The following TXNDC5 variants were observed in gnomAD, a reference collection of about 807,000 sequenced individuals.
The protein encoded by TXNDC5 is thioredoxin domain-containing protein 5.
A neutral mutation model predicts 52.6 loss-of-function variants in TXNDC5; 44 were observed. The observed-to-expected ratio is 0.84, with a 90% confidence interval of 0.66 to 1.08. TXNDC5 has a LOEUF of 1.08. Among genes scored for constraint, TXNDC5 ranks in the 50% least tolerant of loss-of-function variants. The probability of loss-of-function intolerance (pLI) is 0.00; values close to 1 mark genes in which losing one functional copy is unlikely to be tolerated. For synonymous variants in TXNDC5, 241 were observed against 234.4 expected, an observed-to-expected ratio of 1.03 and a Z score of -0.26; for missense variants, 600 against 565.5, an observed-to-expected ratio of 1.06 and a Z score of -0.62.
In TXNDC5 at chr6:7,882,568, TGA is replaced by T. The variant is rs1029142249; in HGVS notation, c.*574_*575del. On this transcript the variant is annotated 3_prime_UTR_variant, in exon 10 of 10. Transcript: ENST00000379757. Reference sequence around the variant, plus strand: ...TTTCATCACGGCTAACCTCTCACACTGAGAGAAGTATTCACAGCAACAGAAGC... The same window carrying T: ...TTTCATCACGGCTAACCTCTCACACTGAGAAGTATTCACAGCAACAGAAGC... 6.5e-6 allele frequency: 1 copy of T among 152,990 alleles called. No individual in the cohort carries two copies. Among genetic ancestry groups the T allele is most frequent in the Non-Finnish European group, 1.5e-5 (1 of 68,620 alleles). The allele number at this position is 152,990 out of a possible 1,614,324, so 9.5% of individuals were successfully genotyped here.
intron 4 of TXNDC5, among the ~76,000 whole-genome samples, chr6:7,894,048 T>C (rs1215198418): frequency 6.6e-6 from 1 of 152,246 alleles, no homozygotes; most frequent in East Asian, 1.9e-4. Context: ...GGATGTGGTA[T>C]AGAAAGATCT....
Position 7,910,518 on chromosome 6 carries a change from G to C in TXNDC5, c.259C>G (p.Pro87Ala), listed in dbSNP as rs924293670. Reference protein sequence around the residue: ...SAAHFVMFFAPWCGHCQRLQP... With the variant: ...SAAHFVMFFAAWCGHCQRLQP... Reference sequence around the variant, plus strand: ...CGCCGGCCTGCGCGGCGTTACCAGGGCGCGAAGAACATGACGAAGTGCGCG... The same window carrying C: ...CGCCGGCCTGCGCGGCGTTACCAGGCCGCGAAGAACATGACGAAGTGCGCG... Residue 87 changes from proline (P) to alanine (A), a missense_variant, in exon 1 of 10, where the codon CCC becomes GCC. By Grantham distance (27) the Pro-to-Ala change is conservative (BLOSUM62 -1). Coordinates refer to ENST00000379757, the MANE Select transcript of TXNDC5 (RefSeq NM_030810.5). The C allele has an allele frequency of 6.9e-7, 1 of 1,441,796 alleles. No homozygotes were observed. The highest frequency in any genetic ancestry group is 1.3e-5 in the South Asian group (1 of 77,940). The allele number at this position is 1,441,796 out of a possible 1,614,324, so 89.3% of individuals were successfully genotyped here.
intron 8 of TXNDC5, among the ~76,000 whole-genome samples, chr6:7,885,292 TTTTA>T (rs1759927109): frequency 6.6e-6 from 1 of 152,224 alleles, no homozygotes; most frequent in Non-Finnish European, 1.5e-5. Flanking sequence ...AAATGGATTG[TTTTA>T]TTTGTGAAGA....
chr6:7,910,469 C>T (rs2567232), intron 1 of TXNDC5, 45 bp downstream of exon 1: 4 of 1,365,574 alleles, frequency 2.9e-6, no homozygotes, highest in Admixed American at 6.3e-5. Context: ...CCACGCCCCG[C>T]GAAGCGCCAA....
rs909469735 is a variant in TXNDC5, at chr6:7,888,778, G to T, written c.890C>A (p.Thr297Lys). The change falls in exon 7 of 10, where the codon ACA (threonine) becomes AAA (lysine). Residue 297 changes from threonine (T) to lysine (K), a missense_variant. By Grantham distance (78) the Thr-to-Lys change is moderately conservative. Coordinates refer to ENST00000379757, the MANE Select transcript of TXNDC5 (RefSeq NM_030810.5). ...REYVESQLQR[T>K]ETGATETVTP... ...GACGGTCTCCGTCGCTCCAGTCTCTGTGCGCTGCAGCTGCGACTCCACGTA... is the reference window on the plus strand; with the variant it reads ...GACGGTCTCCGTCGCTCCAGTCTCTTTGCGCTGCAGCTGCGACTCCACGTA... The T allele has an allele frequency of 6.2e-7, 1 of 1,614,014 alleles. No individual in the cohort carries two copies. Among genetic ancestry groups the T allele is most frequent in the African/African-American group, 1.3e-5 (1 of 74,928 alleles).
At chr6:7,892,570 C>T (rs1035930768) in intron 4 of TXNDC5, among the ~76,000 whole-genome samples, 3 of 152,190 alleles carry the variant, frequency 2.0e-5, no homozygotes, top group African/African-American at 7.2e-5. Context: ...TCCCACATGT[C>T]GTGGGAGGGA....
In TXNDC5 at chr6:7,910,621, T is replaced by TGCCGCGGGGGGCCCGTCC. The variant is rs1224920670; in HGVS notation, c.138_155dup (p.Pro49_Gly54dup). On this transcript the variant is annotated inframe_insertion, in exon 1 of 10. Transcript: ENST00000379757. ...GCGGGTCCTGTCCGTCCTCGCCGTC[T>TGCCGCGGGGGGCCCGTCC]GCCGCGGGGGGCCCGTCCGCCGCCG... 12 of 1,300,666 alleles carry TGCCGCGGGGGGCCCGTCC rather than the reference T, an allele frequency of 9.2e-6. No individual in the cohort carries two copies. In the African/African-American group the frequency reaches 1.7e-4, roughly 19 times the overall value. 80.6% of individuals were successfully genotyped at this position (1,300,666 alleles called of 1,614,324 possible).
intron 2 of TXNDC5, among the ~76,000 whole-genome samples, chr6:7,901,229 T>C (rs1351063083): frequency 6.6e-6 from 1 of 152,182 alleles, no homozygotes; most frequent in Non-Finnish European, 1.5e-5. Context: ...ACATCTGCGG[T>C]ATCAAAGATG....
At chr6:7,892,937 G>C (rs1760244777) in intron 4 of TXNDC5, among the ~76,000 whole-genome samples, 2 of 152,226 alleles carry the variant, frequency 1.3e-5, no homozygotes, top group Admixed American at 1.3e-4. Flanking sequence ...CCCTGCATGG[G>C]ACACGGGAAG....
In TXNDC5 at chr6:7,884,458, A is replaced by C. The variant is rs1759887054; in HGVS notation, c.1077T>G (p.Thr359=). ...ATTCCTTTTTAGAGAGTTCCTCCCA[A>C]GTAGGAGCCAGAGTCTTACAATGAC... ...WCGHCKTLAP[T]WEELSKKEFP... Residue 359 remains threonine (T), a synonymous_variant, in exon 9 of 10, where the codon ACT becomes ACG. Coordinates refer to ENST00000379757, the MANE Select transcript of TXNDC5 (RefSeq NM_030810.5). 1 of 1,613,992 alleles carries C rather than the reference A, an allele frequency of 6.2e-7. No homozygotes were observed. Among genetic ancestry groups the C allele is most frequent in the Non-Finnish European group, 8.5e-7 (1 of 1,180,004 alleles).
intron 4 of TXNDC5, chr6:7,894,848 ATG>A (rs1450051123): frequency 1.0e-6 from 1 of 985,320 alleles, no homozygotes; most frequent in African/African-American, 1.7e-5. Context: ...TTAGCCAAGG[ATG>A]CACTGTCCAG....
intron 1 of TXNDC5, among the ~76,000 whole-genome samples, chr6:7,905,415 A>T (rs888619146): frequency 6.6e-6 from 1 of 151,904 alleles, no homozygotes; most frequent in South Asian, 2.1e-4. Flanking sequence ...TGAGAAGGGG[A>T]AAAAAAAAGT....
chr6:7,891,376 T>G (rs1760184358), intron 5 of TXNDC5, among the ~76,000 whole-genome samples: 1 of 152,134 alleles, frequency 6.6e-6, no homozygotes, highest in Non-Finnish European at 1.5e-5. Flanking sequence ...CAATTCAGAT[T>G]TGGCCATCTC....
At chr6:7,907,943 T>C (rs1479418304) in intron 1 of TXNDC5, among the ~76,000 whole-genome samples, 1 of 152,158 alleles carries the variant, frequency 6.6e-6, no homozygotes, top group Non-Finnish European at 1.5e-5. Context: ...AACACCATCA[T>C]AGAAACCCAC....
Position 7,889,497 on chromosome 6 carries a change from T to C in TXNDC5, c.817A>G (p.Lys273Glu). 1 of 1,613,322 alleles carries C rather than the reference T, an allele frequency of 6.2e-7. No individual in the cohort carries two copies. Among genetic ancestry groups the C allele is most frequent in the African/African-American group, 1.3e-5 (1 of 75,026 alleles). ...PTLLWFRDGKKVDQYKGKRDL... is the reference protein window; with the variant it reads ...PTLLWFRDGKEVDQYKGKRDL... The stretch of plus-strand genomic sequence containing the variant: ...AGTACTAAGAAGTGCAGACGTACCT[T>C]TTTCCCATCTCGGAACCAGAGAAGA... The change falls in exon 6 of 10, where the codon AAG becomes GAG. Residue 273 changes from lysine to glutamate, a missense_variant and splice_region_variant. By Grantham distance (56) the Lys-to-Glu change is moderately conservative. Transcript: ENST00000379757.
At chr6:7,883,340 AG>A in intron 9 of TXNDC5, 74 bp from the exon 10 acceptor site, 1 of 1,604,546 alleles carries the variant, frequency 6.2e-7, no homozygotes, top group Non-Finnish European at 8.5e-7. Context: ...AAATAAAACC[AG>A]ATACACTCCT....
chr6:7,906,559 A>AAC (rs1581331069), intron 1 of TXNDC5, among the ~76,000 whole-genome samples: 1 of 129,276 alleles, frequency 7.7e-6, no homozygotes, highest in Admixed American at 7.3e-5. Flanking sequence ...AAAAAAAAAG[A>AAC]AAAACAGACT....
At chr6:7,910,453 A>G in intron 1 of TXNDC5, 61 bp downstream of exon 1, 1 of 1,295,036 alleles carries the variant, frequency 7.7e-7, no homozygotes, top group Non-Finnish European at 9.9e-7. Flanking sequence ...GCGGCGCCCA[A>G]GCGCCCCACG....
At chr6:7,890,562 T>A (rs1581313497) in intron 5 of TXNDC5, among the ~76,000 whole-genome samples, 1 of 152,252 alleles carries the variant, frequency 6.6e-6, no homozygotes, top group East Asian at 1.9e-4. Flanking sequence ...AATAATTAAG[T>A]AAGGATACAA....
Sources: allele counts gnomAD v4.1 joint callset (sites outside exome capture counted in the v4.1 genomes callset), GRCh38; gene constraint gnomAD v4.1.1; transcripts MANE v1.5; gene names NCBI Gene and HGNC (gene_info 2026-07-23, HGNC 2026-07-21).